Variants in ZNF438 observed in about 807,000 individuals in gnomAD.
ZNF438 encodes the protein zinc finger protein 438.
Under a neutral mutation model 38.0 loss-of-function variants are expected in ZNF438, and 25 were observed. The observed-to-expected ratio is 0.66, with a 90% CI of 0.48 to 0.92. The LOEUF (loss-of-function observed/expected upper bound fraction) is 0.92, where lower values mean the gene tolerates loss of function less well. Among genes scored for constraint, ZNF438 ranks in the 40% least tolerant of loss-of-function variants. The pLI is 0.00. For missense variants in ZNF438, 1,007 were observed against 999.6 expected, an observed-to-expected ratio of 1.01 and a Z score of -0.10; for synonymous variants, 372 against 364.1, an observed-to-expected ratio of 1.02 and a Z score of -0.25.
chr10:30,870,672 TTATAA>T (rs966692697), intron 4 of ZNF438, among the ~76,000 whole-genome samples: 48 of 152,310 alleles, frequency 3.2e-4, no homozygotes, highest in African/African-American at 1.0e-3. Context: ...AGAAATACAC[TTATAA>T]CAAGGTCATG....
At chr10:30,968,588 C>G (rs1307090325) in intron 1 of ZNF438, among the ~76,000 whole-genome samples, 1 of 151,812 alleles carries the variant, frequency 6.6e-6, no homozygotes, top group Non-Finnish European at 1.5e-5. Context: ...GGATTACAAA[C>G]ATGCACCACC....
chr10:30,967,087 G>A (rs954943525), intron 1 of ZNF438, among the ~76,000 whole-genome samples: 2 of 152,174 alleles, frequency 1.3e-5, no homozygotes, highest in African/African-American at 4.8e-5. Flanking sequence ...CTTTACCTGA[G>A]ATTAAGGCAG....
rs751041678 is a variant in ZNF438 at position 30,848,651 on chromosome 10, T to C, written c.1754A>G (p.His585Arg). ...CACAACCCTATGCACTTCTTTCAGATGGCCAAAATAGACTCGGATGTGGCC... is the reference window on the plus strand; with the variant it reads ...CACAACCCTATGCACTTCTTTCAGACGGCCAAAATAGACTCGGATGTGGCC... Residue 585 changes from histidine (H) to arginine (R), a missense_variant, in exon 5 of 6, where the codon CAT becomes CGT. Transcript: ENST00000413025. 23 of 1,614,232 alleles carry C rather than the reference T, an allele frequency of 1.4e-5. No individual in the cohort carries two copies. In the South Asian group the frequency reaches 2.5e-4, roughly 18 times the overall value.
intron 3 of ZNF438, among the ~76,000 whole-genome samples, chr10:30,900,148 A>T (rs1017979594): frequency 6.6e-6 from 1 of 152,216 alleles, no homozygotes; most frequent in Non-Finnish European, 1.5e-5. Flanking sequence ...TTATTTACAA[A>T]GTTCCAATAA....
chr10:31,006,568 AG>A (rs1342493943), intron 1 of ZNF438, among the ~76,000 whole-genome samples: 1 of 152,120 alleles, frequency 6.6e-6, no homozygotes, highest in Non-Finnish European at 1.5e-5. Flanking sequence ...TGAGCCCTCT[AG>A]TAAATTAAAT....
rs534416448 is a variant in ZNF438, at chr10:30,988,129, GT to G, written c.-192+43703del. Among the ~76,000 whole-genome samples the G allele has an allele frequency of 2.2e-3, 340 of 151,536 alleles. 1 individual carries two copies. The highest frequency in any genetic ancestry group is 4.0e-3 in the Non-Finnish European group (268 of 67,844). On this transcript the variant is annotated intron_variant, in intron 1 of 5. Coordinates refer to ENST00000413025, the Ensembl canonical transcript of ZNF438. ...AAAGGTGCTGTAAATCGAGTTTACT[GT>G]TTTTTTTAATAGTAGCTTTGAAAAT...
intron 3 of ZNF438, among the ~76,000 whole-genome samples, chr10:30,896,247 G>C (rs1231551597): frequency 6.8e-6 from 1 of 148,022 alleles, no homozygotes; most frequent in Admixed American, 6.9e-5. Context: ...AGTGAGCCGA[G>C]ACCGCGCCAC....
At chr10:30,946,201 G>A (rs2047391011) in intron 1 of ZNF438, among the ~76,000 whole-genome samples, 1 of 152,166 alleles carries the variant, frequency 6.6e-6, no homozygotes, top group Non-Finnish European at 1.5e-5. Context: ...ATTCAAGACG[G>A]ATTAAAGACT....
intron 3 of ZNF438, among the ~76,000 whole-genome samples, chr10:30,899,870 A>C (rs536721123): frequency 6.6e-6 from 1 of 152,196 alleles, no homozygotes; most frequent in African/African-American, 2.4e-5. Flanking sequence ...ACAAAACAAA[A>C]CAAACCAAAG....
intron 2 of ZNF438, among the ~76,000 whole-genome samples, chr10:30,913,742 A>G (rs979841365): frequency 3.3e-5 from 5 of 152,172 alleles, no homozygotes. Flanking sequence ...TTACGTGGGT[A>G]ATCACAGGCT....
intron 1 of ZNF438, among the ~76,000 whole-genome samples, chr10:31,017,238 G>A (rs895337025): frequency 1.3e-5 from 2 of 152,238 alleles, no homozygotes; most frequent in African/African-American, 4.8e-5. Context: ...GTTCATTTCA[G>A]ATTCTGTTCT....
chr10:30,953,361 C>T (rs189540170), intron 1 of ZNF438, among the ~76,000 whole-genome samples: 3 of 151,646 alleles, frequency 2.0e-5, no homozygotes, highest in East Asian at 3.9e-4. Context: ...ATGTAACTAA[C>T]CTGCACAATG....
intron 3 of ZNF438, among the ~76,000 whole-genome samples, chr10:30,880,541 C>G (rs2133780651): frequency 6.6e-6 from 1 of 152,056 alleles, no homozygotes; most frequent in African/African-American, 2.4e-5. Flanking sequence ...CCTCTAGGCC[C>G]TGATGTCTTC....
chr10:30,850,756 G>T (rs577798088), intron 4 of ZNF438, among the ~76,000 whole-genome samples: 1 of 152,276 alleles, frequency 6.6e-6, no homozygotes, highest in African/African-American at 2.4e-5. Flanking sequence ...GGTATGTTCT[G>T]CTATGTAGTT....
intron 3 of ZNF438, among the ~76,000 whole-genome samples, chr10:30,878,166 C>T (rs981813250): frequency 6.6e-6 from 1 of 152,198 alleles, no homozygotes; most frequent in African/African-American, 2.4e-5. Flanking sequence ...ACTTCTATCC[C>T]TGTTTGCCTG....
intron 1 of ZNF438, among the ~76,000 whole-genome samples, chr10:31,014,876 A>T (rs56207903): frequency 8.2e-6 from 1 of 122,138 alleles, no homozygotes; most frequent in Non-Finnish European, 1.8e-5. Flanking sequence ...ATATATATAT[A>T]TATTTATTTA....
chr10:30,979,177 C>T (rs2051802822), intron 1 of ZNF438, among the ~76,000 whole-genome samples: 1 of 152,188 alleles, frequency 6.6e-6, no homozygotes, highest in Non-Finnish European at 1.5e-5. Flanking sequence ...TGCACCTAGT[C>T]ACCCAACAGC....
chr10:31,021,682 G>A lies in ZNF438; in HGVS notation c.-192+10151C>T, dbSNP rs538869647. Among the ~76,000 whole-genome samples the A allele has an allele frequency of 2.0e-5, 3 of 151,928 alleles. No individual in the cohort carries two copies. The South Asian group carries it at 6.2e-4, about 32-fold the overall frequency. On this transcript the variant is annotated intron_variant, in intron 1 of 5. Transcript: ENST00000413025. ...GCAAATTCCAGCGATTTTCTTATTC[G>A]GGGTCAAAATGGTTCATAAAGCAGC...
At chr10:30,998,231 T>C (rs371818020) in intron 1 of ZNF438, among the ~76,000 whole-genome samples, 1 of 152,036 alleles carries the variant, frequency 6.6e-6, no homozygotes, top group African/African-American at 2.4e-5. Flanking sequence ...TAACAGCTGC[T>C]GTTTCTTGCT....
Sources: gnomAD v4.1 joint callset for allele counts (sites outside exome capture counted in the v4.1 genomes callset) on GRCh38, gnomAD v4.1.1 for gene constraint, MANE v1.5 for transcripts, NCBI Gene and HGNC (gene_info 2026-07-23, HGNC 2026-07-21) for gene names.